Variants in SPOCK3 observed in about 807,000 individuals in gnomAD.
SPOCK3 encodes SPARC (osteonectin), cwcv and kazal like domains proteoglycan 3.
In SPOCK3, 30 loss-of-function variants were observed where a neutral mutation model predicts 56.6. The ratio of observed to expected loss-of-function variants is 0.53; its 90% CI spans 0.40 to 0.72. SPOCK3 has a LOEUF of 0.72. Among genes scored for constraint, SPOCK3 ranks in the 30% least tolerant of loss-of-function variants. The pLI is 0.00. For synonymous variants in SPOCK3, 196 were observed against 183.3 expected, an observed-to-expected ratio of 1.07 and a Z score of -0.56; for missense variants, 527 against 530.0, an observed-to-expected ratio of 0.99 and a Z score of 0.06.
intron 2 of SPOCK3, among the ~76,000 whole-genome samples, chr4:167,164,730 C>T (rs9312511): frequency 0.27 from 41,532 of 151,762 alleles, 6,439 homozygotes; most frequent in African/African-American, 0.43. Flanking sequence ...CTGAGAATGA[C>T]GGCTTCCAGT....
At chr4:167,028,760 C>T (rs1402032231) in intron 3 of SPOCK3, among the ~76,000 whole-genome samples, 2 of 152,002 alleles carry the variant, frequency 1.3e-5, no homozygotes, top group Non-Finnish European at 2.9e-5. Flanking sequence ...ATAGGAACAA[C>T]ATACAGTTTC....
chr4:166,899,634 A>G (rs1735823243), intron 5 of SPOCK3, among the ~76,000 whole-genome samples: 3 of 149,540 alleles, frequency 2.0e-5, no homozygotes, highest in African/African-American at 7.4e-5. Context: ...AGCCTCCCTC[A>G]GCCTCCTGAA....
At chr4:167,061,407 A>C (rs1561174989) in intron 3 of SPOCK3, among the ~76,000 whole-genome samples, 1 of 152,034 alleles carries the variant, frequency 6.6e-6, no homozygotes, top group Non-Finnish European at 1.5e-5. Flanking sequence ...CTCACAAACA[A>C]ACACTGGATA....
chr4:167,172,490 G>T (rs1730591565), intron 2 of SPOCK3, among the ~76,000 whole-genome samples: 1 of 152,036 alleles, frequency 6.6e-6, no homozygotes, highest in African/African-American at 2.4e-5. Context: ...ATTAAAATAG[G>T]ATTCCTAATA....
At chr4:167,137,642 T>C (rs2150393218) in intron 2 of SPOCK3, among the ~76,000 whole-genome samples, 1 of 152,084 alleles carries the variant, frequency 6.6e-6, no homozygotes, top group East Asian at 1.9e-4. Context: ...TAAAGGGGTA[T>C]CACTTTTTAT....
chr4:167,227,527 A>G (rs1222040770), intron 2 of SPOCK3, among the ~76,000 whole-genome samples: 3 of 152,112 alleles, frequency 2.0e-5, no homozygotes, highest in Non-Finnish European at 4.4e-5. Context: ...TTGTAGGATC[A>G]TGGAGAGGAA....
rs186972726 is a variant in SPOCK3, at chr4:166,892,637, A to T, written c.475-3393T>A. On this transcript the variant is annotated intron_variant, in intron 5 of 10. Coordinates refer to ENST00000357545, the MANE Select transcript of SPOCK3 (RefSeq NM_001040159.2). Reference sequence around the variant, plus strand: ...AGGTATATGTGAACTAAAATATCACATAAAGGGCATGCTCATTAGTCTATA... The same window carrying T: ...AGGTATATGTGAACTAAAATATCACTTAAAGGGCATGCTCATTAGTCTATA... 2.2e-4 allele frequency among the ~76,000 whole-genome samples: 33 copies of T among 152,222 alleles called. No individual in the cohort carries two copies. The East Asian group carries it at 4.6e-3, about 21-fold the overall frequency.
intron 2 of SPOCK3, among the ~76,000 whole-genome samples, chr4:167,091,448 T>G (rs1347694118): frequency 2.0e-5 from 3 of 152,220 alleles, no homozygotes; most frequent in Non-Finnish European, 4.4e-5. Flanking sequence ...TTTCCTCATT[T>G]GCAAATGGTG....
intron 4 of SPOCK3, among the ~76,000 whole-genome samples, chr4:166,971,478 T>C (rs751816806): frequency 6.6e-5 from 10 of 151,074 alleles, no homozygotes; most frequent in Non-Finnish European, 1.3e-4. Context: ...TTTCTCCCAA[T>C]TACAAGCAAA....
At chr4:167,213,474 C>T (rs1258734979) in intron 2 of SPOCK3, among the ~76,000 whole-genome samples, 2 of 151,902 alleles carry the variant, frequency 1.3e-5, no homozygotes, top group African/African-American at 4.8e-5. Flanking sequence ...ATTAACTCTC[C>T]CCATAAGTGA....
At chr4:167,172,224 T>C (rs1032658177) in intron 2 of SPOCK3, among the ~76,000 whole-genome samples, 4 of 152,164 alleles carry the variant, frequency 2.6e-5, no homozygotes, top group Non-Finnish European at 5.9e-5. Flanking sequence ...CCAGTATTGC[T>C]GATGCCAAAT....
chr4:167,074,923 T>C (rs1757036314), intron 2 of SPOCK3, among the ~76,000 whole-genome samples: 1 of 151,968 alleles, frequency 6.6e-6, no homozygotes, highest in South Asian at 2.1e-4. Flanking sequence ...TTGATACAAA[T>C]TTACAATGTG....
chr4:166,971,215 A>G (rs1040350973), intron 4 of SPOCK3, among the ~76,000 whole-genome samples: 4 of 152,168 alleles, frequency 2.6e-5, no homozygotes, highest in Admixed American at 6.6e-5. Context: ...TTGTACATAG[A>G]TTATCCCTAG....
intron 2 of SPOCK3, among the ~76,000 whole-genome samples, chr4:167,099,047 G>A (rs893434733): frequency 1.3e-5 from 2 of 151,936 alleles, no homozygotes; most frequent in Non-Finnish European, 2.9e-5. Context: ...AGGGCACCAA[G>A]TACAGTAAGT....
chr4:167,088,623 C>T (rs756665859), intron 2 of SPOCK3, among the ~76,000 whole-genome samples: 6 of 151,900 alleles, frequency 3.9e-5, no homozygotes, highest in Admixed American at 2.6e-4. Flanking sequence ...TGCCACCATG[C>T]CCAGCTAACT....
At chr4:167,028,406 A>ACAACAACAACAACAACAAC (rs35401736) in intron 3 of SPOCK3, among the ~76,000 whole-genome samples, 9 of 150,886 alleles carry the variant, frequency 6.0e-5, no homozygotes, top group African/African-American at 2.2e-4. Context: ...AACAACAACA[A>ACAACAACAACAACAACAAC]AAGAATAATC....
intron 4 of SPOCK3, among the ~76,000 whole-genome samples, chr4:166,968,231 C>G (rs990268646): frequency 1.3e-4 from 20 of 152,230 alleles, no homozygotes; most frequent in Non-Finnish European, 2.4e-4. Context: ...AAATTTGCAG[C>G]CTGAACATGT....
intron 2 of SPOCK3, among the ~76,000 whole-genome samples, chr4:167,152,476 A>G (rs1412050893): frequency 6.6e-6 from 1 of 152,220 alleles, no homozygotes; most frequent in Non-Finnish European, 1.5e-5. Flanking sequence ...TAATCCAGAC[A>G]GTCGAGTAGC....
chr4:166,910,027 A>G (rs1168666025), intron 5 of SPOCK3, among the ~76,000 whole-genome samples: 1 of 152,134 alleles, frequency 6.6e-6, no homozygotes, highest in Non-Finnish European at 1.5e-5. Flanking sequence ...GAAGTCCTTA[A>G]TTTGAGATTC....
Sources: allele counts gnomAD v4.1 joint callset (sites outside exome capture counted in the v4.1 genomes callset), GRCh38; gene constraint gnomAD v4.1.1; transcripts MANE v1.5; gene names NCBI Gene and HGNC (gene_info 2026-07-23, HGNC 2026-07-21).